The following DACH1 variants were observed in gnomAD, a reference collection of about 807,000 sequenced individuals.
DACH1 encodes the protein dachshund family transcription factor 1.
In DACH1, 12 loss-of-function variants were observed where a neutral mutation model predicts 54.2. The ratio of observed to expected loss-of-function variants is 0.22; its 90% CI spans 0.14 to 0.36. DACH1 has a LOEUF of 0.36. Among genes scored for constraint, DACH1 ranks in the 10% least tolerant of loss-of-function variants. DACH1 has a pLI of 1.00. For synonymous variants in DACH1, 386 were observed against 366.2 expected (o/e 1.05, Z -0.62); for missense variants, 805 against 929.8 (o/e 0.87, Z 1.75).
chr13:71,744,520 T>A (rs1406272411), intron 1 of DACH1, among the ~76,000 whole-genome samples: 1 of 152,174 alleles, frequency 6.6e-6, no homozygotes, highest in Non-Finnish European at 1.5e-5. Context: ...AGTAGGGGAA[T>A]TAGTGTGGCC....
chr13:71,617,341 AC>A (rs1875858514), intron 3 of DACH1, among the ~76,000 whole-genome samples: 1 of 152,032 alleles, frequency 6.6e-6, no homozygotes, highest in South Asian at 2.1e-4. Flanking sequence ...TGTTTTTGTC[AC>A]CTTTATTTCT....
chr13:71,726,802 A>G (rs1883490156), intron 1 of DACH1, among the ~76,000 whole-genome samples: 1 of 152,046 alleles, frequency 6.6e-6, no homozygotes, highest in South Asian at 2.1e-4. Context: ...TCTATCTAAT[A>G]TATCTCTTAT....
At position 71,475,264 on chromosome 13, in the gene DACH1, T is replaced by C. The variant is rs531146086; in HGVS notation, c.2015-55A>G. 38 of 1,426,800 alleles carry C rather than the reference T, an allele frequency of 2.7e-5. No homozygotes were observed. In the East Asian group the frequency reaches 8.0e-4, roughly 30 times the overall value. The allele number at this position is 1,426,800 out of a possible 1,614,324, so 88.4% of individuals were successfully genotyped here. A position where few individuals can be genotyped will look rare whatever the true frequency, so the allele number is the denominator to read the frequency against. On this transcript the variant is annotated intron_variant, in intron 9 of 10. Coordinates refer to ENST00000613252, the MANE Select transcript of DACH1 (RefSeq NM_080759.6). ...ATATTTCATTTGATTCCTATTGTCC[T>C]TTAAAAAAAAAGAGCAACCTGTTAC...
chr13:71,711,205 A>G (rs1882709993), intron 1 of DACH1, among the ~76,000 whole-genome samples: 1 of 152,154 alleles, frequency 6.6e-6, no homozygotes, highest in Non-Finnish European at 1.5e-5. Context: ...ACACAGCAAT[A>G]AAGAGCATGA....
intron 1 of DACH1, among the ~76,000 whole-genome samples, chr13:71,692,656 G>A (rs2138727368): frequency 6.6e-6 from 1 of 151,026 alleles, no homozygotes; most frequent in South Asian, 2.1e-4. Flanking sequence ...CGAAGTAGTT[G>A]GGACTACAGG....
intron 4 of DACH1, among the ~76,000 whole-genome samples, chr13:71,564,991 G>A (rs1309659249): frequency 2.0e-5 from 3 of 151,824 alleles, no homozygotes; most frequent in Admixed American, 1.3e-4. Context: ...GCACAATCTC[G>A]GCTCACTGCA....
At chr13:71,749,537 A>T (rs530876878) in intron 1 of DACH1, among the ~76,000 whole-genome samples, 1 of 152,274 alleles carries the variant, frequency 6.6e-6, no homozygotes, top group Non-Finnish European at 1.5e-5. Flanking sequence ...AGTGCTTGGC[A>T]CAGAGTCAGT....
intron 3 of DACH1, among the ~76,000 whole-genome samples, chr13:71,629,070 C>A (rs376541402): frequency 1.4e-4 from 22 of 151,994 alleles, no homozygotes; most frequent in African/African-American, 4.8e-4. Flanking sequence ...TCCAACAGTG[C>A]CCCATTTTCT....
chr13:71,666,546 T>C (rs138565672), intron 2 of DACH1, among the ~76,000 whole-genome samples: 242 of 152,326 alleles, frequency 1.6e-3, no homozygotes, highest in African/African-American at 5.5e-3. Context: ...GCTAAACTTA[T>C]GCATTTTATT....
chr13:71,513,716 G>A (rs1411734206), intron 6 of DACH1, among the ~76,000 whole-genome samples: 2 of 151,998 alleles, frequency 1.3e-5, no homozygotes, highest in African/African-American at 4.8e-5. Context: ...CCATTTTCAA[G>A]GGTTTTGTAT....
Position 71,519,882 on chromosome 13 carries a change from A to ATTATATATATATATATATATAT in DACH1, c.1571-30735_1571-30734insATATATATATATATATATATAA, listed in dbSNP as rs1555290464. Among the ~76,000 whole-genome samples the ATTATATATATATATATATATAT allele has an allele frequency of 1.6e-3, 57 of 35,548 alleles. 2 individuals carry two copies. The highest frequency in any genetic ancestry group is 7.8e-3 in the East Asian group (4 of 510). The allele number at this position is 35,548 out of a possible 152,430, so 23.3% of individuals were successfully genotyped here. ...TAGATGTTTGTGTCCAAACCAAAGT[A>ATTATATATATATATATATATAT]GTATATATATATATATATATATATA... On this transcript the variant is annotated intron_variant, in intron 6 of 10. Transcript: ENST00000613252.
intron 10 of DACH1, among the ~76,000 whole-genome samples, chr13:71,467,164 C>T (rs1459996768): frequency 6.6e-6 from 1 of 151,400 alleles, no homozygotes; most frequent in African/African-American, 2.4e-5. Flanking sequence ...AAGTAATTTC[C>T]CACAAAAACC....
At chr13:71,759,637 A>G (rs1460242362) in intron 1 of DACH1, among the ~76,000 whole-genome samples, 1 of 152,308 alleles carries the variant, frequency 6.6e-6, no homozygotes, top group South Asian at 2.1e-4. Flanking sequence ...ATAGTTGTCA[A>G]AAGATTTGTT....
At chr13:71,477,206 T>C (rs1444836076) in intron 8 of DACH1, among the ~76,000 whole-genome samples, 2 of 143,194 alleles carry the variant, frequency 1.4e-5, no homozygotes, top group African/African-American at 2.6e-5. Flanking sequence ...CTGAAAGCTC[T>C]GCCTCCCAGG....
At chr13:71,606,915 C>T (rs900773220) in intron 3 of DACH1, among the ~76,000 whole-genome samples, 9 of 151,906 alleles carry the variant, frequency 5.9e-5, no homozygotes, top group African/African-American at 2.2e-4. Context: ...AGAAGCCTAC[C>T]TTTAGTTTGA....
intron 3 of DACH1, among the ~76,000 whole-genome samples, chr13:71,625,860 T>A (rs1431406808): frequency 2.6e-5 from 4 of 151,924 alleles, no homozygotes; most frequent in Non-Finnish European, 5.9e-5. Flanking sequence ...TGACTATGGT[T>A]TAAACAATGA....
At chr13:71,586,356 G>A (rs1395381362) in intron 3 of DACH1, among the ~76,000 whole-genome samples, 1 of 152,060 alleles carries the variant, frequency 6.6e-6, no homozygotes, top group Non-Finnish European at 1.5e-5. Context: ...AATGTAACAA[G>A]GTTGCTTCAA....
intron 7 of DACH1, among the ~76,000 whole-genome samples, chr13:71,485,707 T>C (rs1878445914): frequency 6.7e-6 from 1 of 150,198 alleles, no homozygotes; most frequent in African/African-American, 2.4e-5. Context: ...CTCAGCCTCC[T>C]GAGTACCTGG....
At position 71,439,281 on chromosome 13, in the gene DACH1, A is replaced by C. The variant is rs1018030414; in HGVS notation, c.*1374T>G. 5.2e-5 allele frequency: 8 copies of C among 152,440 alleles called. No homozygotes were observed. The highest frequency in any genetic ancestry group is 1.7e-4 in the African/African-American group (7 of 41,448). The allele number at this position is 152,440 out of a possible 1,614,324, so 9.4% of individuals were successfully genotyped here. On this transcript the variant is annotated 3_prime_UTR_variant, in exon 11 of 11. Coordinates refer to ENST00000613252, the MANE Select transcript of DACH1 (RefSeq NM_080759.6). The stretch of plus-strand genomic sequence containing the variant: ...TCCAGATATGCAAAAAACAAAGAGA[A>C]GGTAACTTTAGCATGTAATAAGCAC...
Sources: gnomAD v4.1 joint callset for allele counts (sites outside exome capture counted in the v4.1 genomes callset) on GRCh38, gnomAD v4.1.1 for gene constraint, MANE v1.5 for transcripts, NCBI Gene and HGNC (gene_info 2026-07-23, HGNC 2026-07-21) for gene names.